Variants in SPATA16 observed in about 807,000 individuals in gnomAD.
The protein encoded by SPATA16 is spermatogenesis associated 16.
In SPATA16, 36 loss-of-function variants were observed where a neutral mutation model predicts 63.3. That is an observed-to-expected ratio of 0.57 (90% CI 0.44 to 0.75). SPATA16 has a LOEUF of 0.75. SPATA16 is among the 30% of genes least tolerant of loss of function. The probability of loss-of-function intolerance (pLI) is 0.00; values close to 1 mark genes in which losing one functional copy is unlikely to be tolerated. For missense variants in SPATA16, 646 were observed against 679.3 expected, an observed-to-expected ratio of 0.95 and a Z score of 0.54; for synonymous variants, 203 against 216.7, an observed-to-expected ratio of 0.94 and a Z score of 0.56.
chr3:172,978,057 CAA>C (rs1463949280), intron 4 of SPATA16, among the ~76,000 whole-genome samples: 2 of 151,648 alleles, frequency 1.3e-5, no homozygotes, highest in African/African-American at 4.9e-5. Flanking sequence ...TCAGGACAGA[CAA>C]AAATTAGGAC....
intron 2 of SPATA16, among the ~76,000 whole-genome samples, chr3:173,068,979 A>G (rs4602423): frequency 0.18 from 27,373 of 150,022 alleles, 2,836 homozygotes; most frequent in African/African-American, 0.29. Flanking sequence ...GCGTGGTGGC[A>G]GGCGCCTGTA....
intron 4 of SPATA16, among the ~76,000 whole-genome samples, chr3:173,008,119 T>C (rs1734985101): frequency 6.6e-6 from 1 of 152,166 alleles, no homozygotes; most frequent in Admixed American, 6.5e-5. Context: ...GACATTAAAC[T>C]ACAGGATTCA....
chr3:172,961,063 CTTCTTTCTTCCTTCCT>C (rs1342513742), intron 5 of SPATA16, among the ~76,000 whole-genome samples: 333 of 28,754 alleles, frequency 0.012, 12 homozygotes, highest in African/African-American at 0.032. Context: ...TTCTTTCTTT[CTTCTTTCTTCCTTCCT>C]TCCTTCCTTC....
chr3:173,095,724 T>C (rs774644402), intron 2 of SPATA16, among the ~76,000 whole-genome samples: 1 of 152,144 alleles, frequency 6.6e-6, no homozygotes, highest in Non-Finnish European at 1.5e-5. Flanking sequence ...ATGGTTTATA[T>C]CAGAGACAAA....
At chr3:172,993,761 C>G (rs371778545) in intron 4 of SPATA16, among the ~76,000 whole-genome samples, 1 of 152,112 alleles carries the variant, frequency 6.6e-6, no homozygotes, top group South Asian at 2.1e-4. Context: ...CTTTTCTTCT[C>G]TTTCCCCCTC....
intron 5 of SPATA16, among the ~76,000 whole-genome samples, chr3:172,959,935 C>T (rs1369996756): frequency 6.7e-6 from 1 of 150,148 alleles, no homozygotes; most frequent in Non-Finnish European, 1.5e-5. Context: ...GGTTTAGATA[C>T]CAAAAGATTA....
intron 4 of SPATA16, among the ~76,000 whole-genome samples, chr3:172,978,553 C>T (rs1244053260): frequency 6.6e-6 from 1 of 152,122 alleles, no homozygotes; most frequent in Non-Finnish European, 1.5e-5. Context: ...CTTTCAAGGA[C>T]AACACGCCCT....
intron 4 of SPATA16, among the ~76,000 whole-genome samples, chr3:173,012,325 T>G (rs1472731331): frequency 6.6e-6 from 1 of 152,232 alleles, no homozygotes; most frequent in East Asian, 1.9e-4. Flanking sequence ...ATTTGCAGAA[T>G]TAATATCATT....
chr3:173,109,653 T>C (rs1011826488), intron 2 of SPATA16, among the ~76,000 whole-genome samples: 2 of 152,196 alleles, frequency 1.3e-5, no homozygotes, highest in African/African-American at 4.8e-5. Flanking sequence ...GATATCTTTC[T>C]AAACGTCAAC....
chr3:172,982,735 A>AATATC (rs1446085285), intron 4 of SPATA16, among the ~76,000 whole-genome samples: 1 of 152,222 alleles, frequency 6.6e-6, no homozygotes, highest in Non-Finnish European at 1.5e-5. Context: ...ATTTGTAATT[A>AATATC]ATATCACAAA....
intron 2 of SPATA16, among the ~76,000 whole-genome samples, chr3:173,070,030 A>C (rs1588873): frequency 1.3e-5 from 2 of 151,726 alleles, no homozygotes; most frequent in African/African-American, 4.8e-5. Flanking sequence ...TCCACAGTTA[A>C]TATCATATTG....
rs374317069 is a variant in SPATA16, at chr3:173,038,371, G to A, written c.758+10578C>T. Among the ~76,000 whole-genome samples, 11 of 152,112 alleles carry A rather than the reference G, an allele frequency of 7.2e-5. 1 individual carries two copies. Among genetic ancestry groups the A allele is most frequent in the East Asian group, 1.9e-4 (1 of 5,188 alleles). On this transcript the variant is annotated intron_variant, in intron 3 of 10. Coordinates refer to ENST00000351008, the MANE Select transcript of SPATA16 (RefSeq NM_031955.6). The stretch of plus-strand genomic sequence containing the variant: ...AACATCAGTTTTACAGTATAGCCTG[G>A]GTGAGGCCGATTCAGTGGGAATGAG...
chr3:173,105,332 T>G (rs1344750784), intron 2 of SPATA16, among the ~76,000 whole-genome samples: 1 of 152,164 alleles, frequency 6.6e-6, no homozygotes, highest in Non-Finnish European at 1.5e-5. Flanking sequence ...CCTGGTTGGG[T>G]TGCAGTGATA....
chr3:173,004,432 CA>C lies in SPATA16; in HGVS notation c.848+15053del, dbSNP rs76567834. ...GCTAAAATTCATGGCATACCATATA[CA>C]AAAAAAAAAAAAAAACACCACCACC... is the stretch of plus-strand genomic sequence containing the variant. On this transcript the variant is annotated intron_variant, in intron 4 of 10. Coordinates refer to ENST00000351008, the MANE Select transcript of SPATA16 (RefSeq NM_031955.6). Among the ~76,000 whole-genome samples the C allele has an allele frequency of 8.1e-3, 845 of 103,890 alleles. 4 individuals carry two copies. Among genetic ancestry groups the C allele is most frequent in the Middle Eastern group, 0.019 (4 of 208 alleles). The allele number at this position is 103,890 out of a possible 152,430, so 68.2% of individuals were successfully genotyped here. A position where few individuals can be genotyped will look rare whatever the true frequency, so the allele number is the denominator to read the frequency against.
At chr3:173,096,479 T>C (rs765415023) in intron 2 of SPATA16, among the ~76,000 whole-genome samples, 2 of 152,114 alleles carry the variant, frequency 1.3e-5, no homozygotes, top group Non-Finnish European at 2.9e-5. Context: ...TAGAAAAAGC[T>C]GCTCAATTCA....
rs536970368 is a variant in SPATA16 at position 172,997,916 on chromosome 3, G to C, written c.849-20864C>G. ...TTAAAGATCAGTTGACTATATTTATGTGGATCTATATCTTGATTACTGTAG... is the reference window on the plus strand; with the variant it reads ...TTAAAGATCAGTTGACTATATTTATCTGGATCTATATCTTGATTACTGTAG... On this transcript the variant is annotated intron_variant, in intron 4 of 10. Coordinates refer to ENST00000351008, the MANE Select transcript of SPATA16 (RefSeq NM_031955.6). Among the ~76,000 whole-genome samples, 95 of 152,234 alleles carry C rather than the reference G, an allele frequency of 6.2e-4. 1 individual carries two copies. The highest frequency in any genetic ancestry group is 2.2e-3 in the African/African-American group (91 of 41,558).
intron 4 of SPATA16, among the ~76,000 whole-genome samples, chr3:173,010,623 GCAGA>G (rs1735049617): frequency 1.3e-5 from 2 of 152,158 alleles, no homozygotes; most frequent in Admixed American, 1.3e-4. Context: ...CAACTGCCCT[GCAGA>G]CAGACAGCCA....
intron 4 of SPATA16, among the ~76,000 whole-genome samples, chr3:173,018,319 G>A (rs948494652): frequency 6.7e-6 from 1 of 149,300 alleles, no homozygotes; most frequent in Non-Finnish European, 1.5e-5. Flanking sequence ...TCGTTGCCCA[G>A]GCTGGAGTGC....
At chr3:173,140,056 G>A (rs1212016023) in intron 1 of SPATA16, among the ~76,000 whole-genome samples, 3 of 152,112 alleles carry the variant, frequency 2.0e-5, no homozygotes, top group Admixed American at 6.6e-5. Flanking sequence ...GTTTATGCCT[G>A]GAGATCATTT....
Sources: allele counts gnomAD v4.1 joint callset (sites outside exome capture counted in the v4.1 genomes callset), GRCh38; gene constraint gnomAD v4.1.1; transcripts MANE v1.5; gene names NCBI Gene and HGNC (gene_info 2026-07-23, HGNC 2026-07-21).